AGBL4: variants seen among roughly 807,000 people sequenced by gnomAD.
AGBL4 encodes the protein cytosolic carboxypeptidase 6.
Under a neutral mutation model 66.4 loss-of-function variants are expected in AGBL4, and 58 were observed. That is an observed-to-expected ratio of 0.87 (90% confidence interval 0.71 to 1.09). The LOEUF (loss-of-function observed/expected upper bound fraction) is 1.09, where lower values mean the gene tolerates loss of function less well. Among genes scored for constraint, AGBL4 ranks in the 50% least tolerant of loss-of-function variants. The pLI is 0.00. For synonymous variants in AGBL4, 234 were observed against 222.9 expected, an observed-to-expected ratio of 1.05 and a Z score of -0.44; for missense variants, 579 against 631.0, an observed-to-expected ratio of 0.92 and a Z score of 0.88.
chr1:49,643,417 T>C (rs1364976734), intron 3 of AGBL4, among the ~76,000 whole-genome samples: 1 of 151,580 alleles, frequency 6.6e-6, no homozygotes, highest in Admixed American at 6.6e-5. Flanking sequence ...AGAAGAAACA[T>C]TTTAAAGAAC....
At position 49,658,280 on chromosome 1, in the gene AGBL4, G is replaced by C. The variant is rs369768463; in HGVS notation, c.282+39033C>G. The stretch of plus-strand genomic sequence containing the variant: ...AAATGCTCATCATCACTGGCCATCA[G>C]AGAAATGCAAATCAAAACCACAATG... On this transcript the variant is annotated intron_variant, in intron 3 of 13. Transcript: ENST00000371839. 4.4e-4 allele frequency among the ~76,000 whole-genome samples: 67 copies of C among 152,334 alleles called. 1 individual carries two copies. In the East Asian group the frequency reaches 0.01, roughly 24 times the overall value.
intron 4 of AGBL4, among the ~76,000 whole-genome samples, chr1:49,080,183 C>T (rs968966017): frequency 6.6e-6 from 1 of 152,056 alleles, no homozygotes; most frequent in African/African-American, 2.4e-5. Flanking sequence ...AAACAGAATA[C>T]CACATAAATG....
intron 1 of AGBL4, among the ~76,000 whole-genome samples, chr1:49,896,608 A>AACACACAC (rs58132063): frequency 9.0e-5 from 12 of 133,802 alleles, no homozygotes; most frequent in East Asian, 4.6e-4. Flanking sequence ...GACCCATGAA[A>AACACACAC]ACACACACAC....
intron 3 of AGBL4, among the ~76,000 whole-genome samples, chr1:49,627,698 A>G (rs1645491256): frequency 1.3e-5 from 2 of 152,126 alleles, no homozygotes; most frequent in South Asian, 4.1e-4. Context: ...TTTTGCTTTC[A>G]GCAACATACT....
At position 49,896,894 on chromosome 1, in the gene AGBL4, G is replaced by A. The variant is rs374188450; in HGVS notation, c.35-45376C>T. Among the ~76,000 whole-genome samples the A allele has an allele frequency of 3.4e-4, 52 of 151,920 alleles. 1 individual carries two copies. The South Asian group carries it at 9.6e-3, about 28-fold the overall frequency. On this transcript the variant is annotated intron_variant, in intron 1 of 13. Coordinates refer to ENST00000371839, the MANE Select transcript of AGBL4 (RefSeq NM_032785.4). ...TTCAATTGATGCTGAAAAGGCATTT[G>A]ATAAAATTCAGCAACCCTTCATGAT...
chr1:48,952,490 T>C (rs1208359536), intron 5 of AGBL4, among the ~76,000 whole-genome samples: 14 of 152,218 alleles, frequency 9.2e-5, no homozygotes, highest in Admixed American at 8.5e-4. Flanking sequence ...ATAAAGTGGT[T>C]AGTGAAGTCC....
intron 6 of AGBL4, among the ~76,000 whole-genome samples, chr1:48,712,500 T>C (rs955151675): frequency 6.6e-6 from 1 of 152,174 alleles, no homozygotes; most frequent in Admixed American, 6.5e-5. Context: ...ATAATAATAA[T>C]AGTGATAATA....
chr1:49,348,542 G>T (rs893658273), intron 3 of AGBL4, among the ~76,000 whole-genome samples: 1 of 152,200 alleles, frequency 6.6e-6, no homozygotes, highest in African/African-American at 2.4e-5. Context: ...GAAGCGACCC[G>T]CAGTCACAAG....
intron 2 of AGBL4, among the ~76,000 whole-genome samples, chr1:49,716,286 C>G (rs1476180121): frequency 6.6e-6 from 1 of 151,906 alleles, no homozygotes; most frequent in African/African-American, 2.4e-5. Flanking sequence ...ATTTCTGAAG[C>G]CTCTGTTCTG....
chr1:49,330,626 T>G (rs936071549), intron 3 of AGBL4, among the ~76,000 whole-genome samples: 1 of 152,208 alleles, frequency 6.6e-6, no homozygotes, highest in Non-Finnish European at 1.5e-5. Flanking sequence ...TTATGATCCT[T>G]CCTGAAAAGT....
At chr1:48,877,275 G>C (rs2148837124) in intron 5 of AGBL4, among the ~76,000 whole-genome samples, 1 of 152,234 alleles carries the variant, frequency 6.6e-6, no homozygotes, top group Non-Finnish European at 1.5e-5. Context: ...ATTAGTTCTG[G>C]ATTCCAAAGT....
chr1:49,000,275 T>C (rs1481582754), intron 5 of AGBL4, among the ~76,000 whole-genome samples: 1 of 152,158 alleles, frequency 6.6e-6, no homozygotes, highest in Non-Finnish European at 1.5e-5. Flanking sequence ...TTAACCCCTA[T>C]ACTAAGTTGA....
intron 4 of AGBL4, among the ~76,000 whole-genome samples, chr1:49,070,372 C>G (rs1047049613): frequency 6.6e-6 from 1 of 151,884 alleles, no homozygotes; most frequent in Non-Finnish European, 1.5e-5. Context: ...GTGGGTCTGT[C>G]ATAAATAGCT....
chr1:49,694,109 A>G (rs974367583), intron 3 of AGBL4, among the ~76,000 whole-genome samples: 1 of 152,164 alleles, frequency 6.6e-6, no homozygotes, highest in African/African-American at 2.4e-5. Context: ...TTTAAAATTT[A>G]TTTAATGGAG....
chr1:49,130,862 G>C (rs913896113), intron 4 of AGBL4, among the ~76,000 whole-genome samples: 3 of 151,978 alleles, frequency 2.0e-5, no homozygotes, highest in Non-Finnish European at 4.4e-5. Context: ...AAGTCTGTCA[G>C]ATATTTATAA....
At chr1:49,072,620 C>G (rs1039945597) in intron 4 of AGBL4, among the ~76,000 whole-genome samples, 2 of 152,214 alleles carry the variant, frequency 1.3e-5, no homozygotes, top group African/African-American at 4.8e-5. Flanking sequence ...TGCTGTTAGT[C>G]TGATGGGCTT....
intron 4 of AGBL4, among the ~76,000 whole-genome samples, chr1:49,108,521 C>T (rs1230148055): frequency 1.3e-5 from 2 of 152,096 alleles, no homozygotes; most frequent in African/African-American, 4.8e-5. Context: ...TCTAGAGTCT[C>T]CAAGCCATCA....
At chr1:49,563,760 C>G (rs977543829) in intron 3 of AGBL4, among the ~76,000 whole-genome samples, 62 of 152,206 alleles carry the variant, frequency 4.1e-4, no homozygotes, top group Non-Finnish European at 7.9e-4. Flanking sequence ...GGATATTGGT[C>G]TAAAATTCTC....
In AGBL4 at chr1:49,698,629, G is replaced by C. The variant is rs376259068; in HGVS notation, c.158-1192C>G. Reference sequence around the variant, plus strand: ...AGACAATATAGCTGTCTACCTAACAGAGCTGGTAGGAATAATAAACAAATA... The same window carrying C: ...AGACAATATAGCTGTCTACCTAACACAGCTGGTAGGAATAATAAACAAATA... On this transcript the variant is annotated intron_variant, in intron 2 of 13. Coordinates refer to ENST00000371839, the MANE Select transcript of AGBL4 (RefSeq NM_032785.4). Among the ~76,000 whole-genome samples the C allele has an allele frequency of 2.6e-3, 399 of 152,144 alleles. 2 individuals carry two copies. The highest frequency in any genetic ancestry group is 0.018 in the South Asian group (88 of 4,828).
Sources: gnomAD v4.1 joint callset for allele counts (sites outside exome capture counted in the v4.1 genomes callset) on GRCh38, gnomAD v4.1.1 for gene constraint, MANE v1.5 for transcripts, NCBI Gene and HGNC (gene_info 2026-07-23, HGNC 2026-07-21) for gene names.